Variants in MAD1L1 observed in about 807,000 individuals in gnomAD.
The protein encoded by MAD1L1 is mitotic arrest deficient 1 like 1, also known as mitotic spindle assembly checkpoint protein MAD1.
MAD1L1 carries 95 observed loss-of-function variants against 96.9 expected under a neutral mutation model. The ratio of observed to expected loss-of-function variants is 0.98; its 90% CI spans 0.83 to 1.16. The LOEUF (loss-of-function observed/expected upper bound fraction) is 1.16. MAD1L1 is among the 50% of genes most tolerant of loss of function. The probability of loss-of-function intolerance (pLI) is 0.00; values close to 1 mark genes in which losing one functional copy is unlikely to be tolerated. For missense variants in MAD1L1, 1,007 were observed against 954.4 expected (o/e 1.06, Z -0.73); for synonymous variants, 473 against 396.6 (o/e 1.19, Z -2.29).
At chr7:1,864,667 C>G (rs915648781) in intron 18 of MAD1L1, among the ~76,000 whole-genome samples, 2 of 152,234 alleles carry the variant, frequency 1.3e-5, no homozygotes, top group African/African-American at 4.8e-5. Context: ...ACGTGGACCC[C>G]TGATCCTCGA....
intron 12 of MAD1L1, among the ~76,000 whole-genome samples, chr7:2,062,944 G>C (rs1324159556): frequency 6.6e-6 from 1 of 152,202 alleles, no homozygotes; most frequent in Non-Finnish European, 1.5e-5. Context: ...TAAAAACAAA[G>C]AGAAGCCACA....
intron 18 of MAD1L1, among the ~76,000 whole-genome samples, chr7:1,839,796 C>G (rs1020015109): frequency 5.3e-5 from 8 of 151,840 alleles, no homozygotes; most frequent in African/African-American, 1.9e-4. Context: ...GAGGATGGGG[C>G]TGGTCCTGGC....
At chr7:2,150,830 G>A (rs1170633146) in intron 10 of MAD1L1, among the ~76,000 whole-genome samples, 1 of 152,204 alleles carries the variant, frequency 6.6e-6, no homozygotes, top group Non-Finnish European at 1.5e-5. Flanking sequence ...CCCCCAGAGA[G>A]GCCTCCTCTG....
At chr7:1,926,620 A>AG (rs33998872) in intron 17 of MAD1L1, among the ~76,000 whole-genome samples, 1,883 of 152,360 alleles carry the variant, frequency 0.012, 25 homozygotes, top group Middle Eastern at 0.051. Flanking sequence ...TAACGGTGTA[A>AG]GGGAAAAAAA....
chr7:2,008,256 C>T lies in MAD1L1; in HGVS notation c.1360-6135G>A, dbSNP rs535252312. 3.2e-4 allele frequency among the ~76,000 whole-genome samples: 48 copies of T among 152,318 alleles called. 1 individual carries two copies. Among genetic ancestry groups the T allele is most frequent in the Admixed American group, 1.9e-3 (29 of 15,308 alleles). On this transcript the variant is annotated intron_variant, in intron 13 of 18. Transcript: ENST00000265854. ...GCAGCTCCCGCAGGGCCTCAGACAGCGCAACTCCAGGCTGGTCTCGGTAGG... is the reference window on the plus strand; with the variant it reads ...GCAGCTCCCGCAGGGCCTCAGACAGTGCAACTCCAGGCTGGTCTCGGTAGG...
At chr7:2,231,823 T>C (rs1794206865) in intron 1 of MAD1L1, among the ~76,000 whole-genome samples, 1 of 151,942 alleles carries the variant, frequency 6.6e-6, no homozygotes. Flanking sequence ...GAACTTCAGT[T>C]TCCTCATCTG....
intron 10 of MAD1L1, among the ~76,000 whole-genome samples, chr7:2,192,919 A>T (rs1376182190): frequency 6.6e-6 from 1 of 152,242 alleles, no homozygotes; most frequent in Non-Finnish European, 1.5e-5. Context: ...CGTTTAGAAA[A>T]GGAAAAAACT....
intron 12 of MAD1L1, among the ~76,000 whole-genome samples, chr7:2,062,267 A>C (rs1433533337): frequency 6.8e-6 from 1 of 146,436 alleles, no homozygotes; most frequent in African/African-American, 2.5e-5. Flanking sequence ...CAAAAAAAAA[A>C]AAAAAAAAAC....
At chr7:2,006,304 C>T (rs1045042872) in intron 13 of MAD1L1, among the ~76,000 whole-genome samples, 27 of 151,818 alleles carry the variant, frequency 1.8e-4, no homozygotes, top group Admixed American at 2.6e-4. Context: ...TACATGGGAG[C>T]GGGTGTGGAC....
At chr7:2,220,135 C>G (rs868688346) in intron 5 of MAD1L1, among the ~76,000 whole-genome samples, 1 of 152,226 alleles carries the variant, frequency 6.6e-6, no homozygotes, top group African/African-American at 2.4e-5. Flanking sequence ...AAGGCACTGG[C>G]CAACCAACAG....
intron 15 of MAD1L1, among the ~76,000 whole-genome samples, chr7:1,975,288 C>G (rs1780586225): frequency 6.6e-6 from 1 of 152,250 alleles, no homozygotes; most frequent in Admixed American, 6.5e-5. Flanking sequence ...GCCTTCCCAC[C>G]TGGGACCATA....
At chr7:2,140,306 C>A (rs1445785573) in intron 11 of MAD1L1, among the ~76,000 whole-genome samples, 1 of 152,226 alleles carries the variant, frequency 6.6e-6, no homozygotes, top group Admixed American at 6.5e-5. Context: ...CCAGCAGCCC[C>A]CGTCCGCCCT....
At chr7:1,900,638 T>C (rs565262998) in intron 17 of MAD1L1, among the ~76,000 whole-genome samples, 11 of 152,204 alleles carry the variant, frequency 7.2e-5, no homozygotes, top group Non-Finnish European at 8.8e-5. Flanking sequence ...GTAGCAGGAA[T>C]TGCCACGTGC....
intron 13 of MAD1L1, 97 bp from the exon 14 acceptor site, chr7:2,002,218 A>T: frequency 8.1e-7 from 1 of 1,239,762 alleles, no homozygotes; most frequent in South Asian, 1.2e-5. Context: ...CGCAGCCTCC[A>T]CTCTCTGGGG....
At position 2,211,352 on chromosome 7, in the gene MAD1L1, G is replaced by A. The variant is rs139222745; in HGVS notation, c.986+1860C>T. Among the ~76,000 whole-genome samples the A allele has an allele frequency of 1.0e-2, 1,523 of 152,326 alleles. 9 individuals are homozygous for A. The highest frequency in any genetic ancestry group is 0.014 in the African/African-American group (563 of 41,578). ...CACACAAGCCATGCCCAGGCAGGGC[G>A]CTCAGATGCGGGAACAGGGCTGAAA... On this transcript the variant is annotated intron_variant, in intron 10 of 18. Coordinates refer to ENST00000265854, the MANE Select transcript of MAD1L1 (RefSeq NM_001013836.2).
chr7:1,956,428 T>C (rs1203241663), intron 16 of MAD1L1, among the ~76,000 whole-genome samples: 1 of 152,134 alleles, frequency 6.6e-6, no homozygotes, highest in Non-Finnish European at 1.5e-5. Context: ...AGCTCCTGAA[T>C]CCTGGGCTAG....
chr7:2,145,934 G>A (rs886917810), intron 11 of MAD1L1, among the ~76,000 whole-genome samples: 6 of 152,328 alleles, frequency 3.9e-5, no homozygotes, highest in African/African-American at 1.2e-4. Flanking sequence ...GTGTCATGTT[G>A]GTGAAAGGAA....
intron 17 of MAD1L1, among the ~76,000 whole-genome samples, chr7:1,926,824 G>T (rs907224809): frequency 6.6e-6 from 1 of 152,196 alleles, no homozygotes; most frequent in African/African-American, 2.4e-5. Context: ...GAGGAGAAAG[G>T]CCAGGATCTC....
At chr7:1,823,276 C>T (rs551593629) in intron 18 of MAD1L1, among the ~76,000 whole-genome samples, 52 of 152,132 alleles carry the variant, frequency 3.4e-4, no homozygotes, top group African/African-American at 1.1e-3. Context: ...AACTGTATCA[C>T]GAACTTACAT....
Sources: allele counts gnomAD v4.1 joint callset (sites outside exome capture counted in the v4.1 genomes callset), GRCh38; gene constraint gnomAD v4.1.1; transcripts MANE v1.5; gene names NCBI Gene and HGNC (gene_info 2026-07-23, HGNC 2026-07-21).